The following TULP4 variants were observed in gnomAD, a reference collection of about 807,000 sequenced individuals.
The protein encoded by TULP4 is tubby-related protein 4.
A neutral mutation model predicts 129.0 loss-of-function variants in TULP4; 16 were observed. That is an observed-to-expected ratio of 0.12 (90% CI 0.08 to 0.19). The LOEUF (loss-of-function observed/expected upper bound fraction) is 0.19, where lower values mean the gene tolerates loss of function less well. Among genes scored for constraint, TULP4 ranks in the 10% least tolerant of loss-of-function variants. The pLI is 1.00. For synonymous variants in TULP4, 998 were observed against 854.0 expected, an observed-to-expected ratio of 1.17 and a Z score of -2.94; for missense variants, 1,842 against 2,059.1, an observed-to-expected ratio of 0.89 and a Z score of 2.04.
intron 1 of TULP4, among the ~76,000 whole-genome samples, chr6:158,263,530 G>A (rs1035483484): frequency 2.0e-5 from 3 of 152,160 alleles, no homozygotes; most frequent in African/African-American, 7.2e-5. Context: ...TAGAAATTTT[G>A]GCTAAATTAA....
intron 9 of TULP4, among the ~76,000 whole-genome samples, chr6:158,490,088 A>T (rs1780166113): frequency 6.6e-6 from 1 of 152,174 alleles, no homozygotes; most frequent in African/African-American, 2.4e-5. Flanking sequence ...GTTGAAGAGA[A>T]TGCCAGATAA....
chr6:158,369,875 C>T (rs913307214), intron 1 of TULP4, among the ~76,000 whole-genome samples: 34 of 152,186 alleles, frequency 2.2e-4, no homozygotes, highest in African/African-American at 7.7e-4. Context: ...GTACCATGTA[C>T]ATGAGATGCA....
intron 1 of TULP4, among the ~76,000 whole-genome samples, chr6:158,342,165 G>T (rs529482891): frequency 2.0e-5 from 3 of 152,338 alleles, no homozygotes; most frequent in Non-Finnish European, 1.5e-5. Context: ...ATCCGCCCAT[G>T]TCGGCCTCCC....
intron 5 of TULP4, among the ~76,000 whole-genome samples, chr6:158,457,401 C>T (rs547505672): frequency 5.3e-5 from 8 of 152,200 alleles, no homozygotes; most frequent in African/African-American, 1.7e-4. Flanking sequence ...GCTCAAAGGC[C>T]GGGTTCTGGG....
rs1417676279 is a variant in TULP4 at position 158,415,592 on chromosome 6, C to T, written c.381+2399C>T. Among the ~76,000 whole-genome samples the T allele has an allele frequency of 5.0e-4, 75 of 150,628 alleles. 1 individual carries two copies. Among genetic ancestry groups the T allele is most frequent in the African/African-American group, 1.8e-3 (75 of 40,914 alleles). On this transcript the variant is annotated intron_variant, in intron 2 of 13. Coordinates refer to ENST00000367097, the MANE Select transcript of TULP4 (RefSeq NM_020245.5). ...AGCCAGGATGGTCTCGATCTCCTGA[C>T]CTCATGATCCACCCGCGTCAGCCTC...
chr6:158,406,353 A>T (rs1423551857), intron 1 of TULP4, among the ~76,000 whole-genome samples: 1 of 152,198 alleles, frequency 6.6e-6, no homozygotes, highest in Non-Finnish European at 1.5e-5. Flanking sequence ...TACTAGATAC[A>T]CCAAGGGTAT....
chr6:158,481,342 G>A, intron 8 of TULP4, 53 bp downstream of exon 8: 1 of 1,514,918 alleles, frequency 6.6e-7, no homozygotes, highest in Non-Finnish European at 9.0e-7. Context: ...GTCATGGGCT[G>A]TTAACGCCTT....
At chr6:158,264,808 A>G (rs976169050) in intron 1 of TULP4, among the ~76,000 whole-genome samples, 4 of 152,194 alleles carry the variant, frequency 2.6e-5, no homozygotes, top group Admixed American at 2.6e-4. Flanking sequence ...TCTACAGACC[A>G]TCAGTGCCGC....
intron 13 of TULP4, 85 bp downstream of exon 13, chr6:158,504,263 C>A: frequency 8.8e-7 from 1 of 1,135,132 alleles, no homozygotes. Context: ...TTTCAAAAGG[C>A]CAAATGGGAA....
intron 1 of TULP4, among the ~76,000 whole-genome samples, chr6:158,323,407 T>C (rs1453734385): frequency 6.6e-6 from 1 of 152,234 alleles, no homozygotes; most frequent in African/African-American, 2.4e-5. Context: ...AAAAGTTACA[T>C]AATCATGTGT....
At chr6:158,300,192 A>G (rs570394959) in intron 1 of TULP4, among the ~76,000 whole-genome samples, 1 of 152,308 alleles carries the variant, frequency 6.6e-6, no homozygotes, top group East Asian at 1.9e-4. Context: ...GTGGGCACCC[A>G]GACAGGGGAT....
At chr6:158,442,142 C>T (rs890374680) in intron 3 of TULP4, among the ~76,000 whole-genome samples, 1 of 152,106 alleles carries the variant, frequency 6.6e-6, no homozygotes, top group Non-Finnish European at 1.5e-5. Context: ...TCTTTGGCAC[C>T]GGTCACAAGT....
upstream of TULP4, among the ~76,000 whole-genome samples, chr6:158,309,025 C>CA (rs1311098689): frequency 5.2e-4 from 65 of 125,150 alleles, no homozygotes; most frequent in Non-Finnish European, 7.8e-4. Flanking sequence ...GCTGGCCTGG[C>CA]GGGGGCTGAC....
At chr6:158,292,371 T>C (rs557208082) in intron 1 of TULP4, among the ~76,000 whole-genome samples, 28 of 152,324 alleles carry the variant, frequency 1.8e-4, no homozygotes, top group Admixed American at 3.3e-4. Context: ...CCAGTGCTTG[T>C]TTTGTATCCG....
Position 158,502,579 on chromosome 6 carries a change from G to A in TULP4, c.2916G>A (p.Arg972=), listed in dbSNP as rs1224533050. 2.5e-6 allele frequency: 4 copies of A among 1,603,898 alleles called. No homozygotes were observed. The highest frequency in any genetic ancestry group is 2.5e-6 in the Non-Finnish European group (3 of 1,179,884). Residue 972 remains arginine, a synonymous_variant, in exon 13 of 14, where the codon CGG becomes CGA. Transcript: ENST00000367097. ...PEIASQLAQG[R]GAAQRSDNSL... is the part of the protein sequence containing the mutation. ...TTGCCAGCCAGCTGGCCCAGGGGCG[G>A]GGGGCTGCCCAGAGGTCCGACAATA...
rs573035154 is a variant in TULP4 at position 158,362,706 on chromosome 6, G to A, written c.252+48438G>A. On this transcript the variant is annotated intron_variant, in intron 1 of 13. Transcript: ENST00000367097. ...TCTGAGGTCTTTGGTGTCTGGGGTT[G>A]TAGATTGTGTCCATCTGTACTTAAC... Among the ~76,000 whole-genome samples the A allele has an allele frequency of 2.0e-5, 3 of 152,304 alleles. No individual in the cohort carries two copies. The South Asian group carries it at 6.2e-4, about 32-fold the overall frequency.
At position 158,503,881 on chromosome 6, in the gene TULP4, C is replaced by T. The variant is rs750721793; in HGVS notation, c.4218C>T (p.Ser1406=). 1.1e-5 allele frequency: 17 copies of T among 1,613,916 alleles called. No individual in the cohort carries two copies. The highest frequency in any genetic ancestry group is 6.7e-5 in the East Asian group (3 of 44,898). The change falls in exon 13 of 14, where the codon TCC becomes TCT. Residue 1406 remains serine (S), a synonymous_variant. Coordinates refer to ENST00000367097, the MANE Select transcript of TULP4 (RefSeq NM_020245.5). The surrounding 1 kb of genome is among the most constrained non-coding windows in gnomAD (Gnocchi z 4.3). ...LNKTNEFQDS[S]ESEPELFISG... ...AGACAAACGAGTTCCAGGACAGCTC[C>T]GAGAGCGAGCCTGAGCTGTTCATCA...
Position 158,374,186 on chromosome 6 carries a change from C to CT in TULP4, c.253-38878dup, listed in dbSNP as rs148701841. On this transcript the variant is annotated intron_variant, in intron 1 of 13. Coordinates refer to ENST00000367097, the MANE Select transcript of TULP4 (RefSeq NM_020245.5). ...CCTATAGCCCCAGCTACGTGGGAGG[C>CT]TGAGACAGGAGGATTGCTTGAGGCC... Among the ~76,000 whole-genome samples the CT allele has an allele frequency of 1.4e-3, 206 of 151,862 alleles. 2 individuals are homozygous for CT. In the East Asian group the frequency reaches 0.032, roughly 23 times the overall value.
At chr6:158,339,792 A>G (rs1780137589) in intron 1 of TULP4, among the ~76,000 whole-genome samples, 1 of 152,168 alleles carries the variant, frequency 6.6e-6, no homozygotes, top group African/African-American at 2.4e-5. Flanking sequence ...GTTCAAACAC[A>G]CATGCTCTAC....
Sources: allele counts gnomAD v4.1 joint callset (sites outside exome capture counted in the v4.1 genomes callset), GRCh38; gene constraint gnomAD v4.1.1; non-coding constraint Gnocchi (gnomAD v3.1); transcripts MANE v1.5; gene names NCBI Gene and HGNC (gene_info 2026-07-23, HGNC 2026-07-21).